LRRK1: variants seen among roughly 807,000 people sequenced by gnomAD.
LRRK1 encodes leucine-rich repeat serine/threonine-protein kinase 1.
In LRRK1, 113 loss-of-function variants were observed where a neutral mutation model predicts 209.1. The ratio of observed to expected loss-of-function variants is 0.54; its 90% CI spans 0.46 to 0.63. LRRK1 has a LOEUF of 0.63. Among genes scored for constraint, LRRK1 ranks in the 30% least tolerant of loss-of-function variants. The probability of loss-of-function intolerance (pLI) is 0.00; values close to 1 mark genes in which losing one functional copy is unlikely to be tolerated. For missense variants in LRRK1, 2,284 were observed against 2,632.2 expected, an observed-to-expected ratio of 0.87 and a Z score of 2.89; for synonymous variants, 1,144 against 1,099.7, an observed-to-expected ratio of 1.04 and a Z score of -0.80.
intron 11 of LRRK1, among the ~76,000 whole-genome samples, 164 bp downstream of exon 11, chr15:101,014,592 C>T (rs140946839): frequency 5.3e-5 from 8 of 152,320 alleles, no homozygotes; most frequent in Non-Finnish European, 1.2e-4. Context: ...GGCTGAAGTC[C>T]GAGGTGAGGG....
At position 100,941,051 on chromosome 15, in the gene LRRK1, G is replaced by T. The variant is rs560648511; in HGVS notation, c.97+16322G>T. On this transcript the variant is annotated intron_variant, in intron 2 of 33. Coordinates refer to ENST00000388948, the MANE Select transcript of LRRK1 (RefSeq NM_024652.6). ...ACACAGCTTCTCCCCTAGGTGATCA[G>T]ACTGCTTCCAATGAGCCTGTGCCCT... Among the ~76,000 whole-genome samples the T allele has an allele frequency of 2.6e-5, 4 of 152,324 alleles. No individual in the cohort carries two copies. The East Asian group carries it at 7.7e-4, about 29-fold the overall frequency.
chr15:101,049,659 C>T lies in LRRK1; in HGVS notation c.3315C>T (p.Asp1105=), dbSNP rs371351101. 88 of 1,613,718 alleles carry T rather than the reference C, an allele frequency of 5.5e-5. No individual in the cohort carries two copies. The highest frequency in any genetic ancestry group is 1.5e-4 in the African/African-American group (11 of 74,870). ...TGGATTGCAGTGTGGAATCTTCCGA[C>T]GTGAACTGGAAAAAGAAGAAAAGCG... ...DGGYLSVESS[D]VNWKKKKSGG... The change falls in exon 23 of 34, where the codon GAC becomes GAT. Residue 1105 remains aspartate, a synonymous_variant. Transcript: ENST00000388948.
At chr15:100,921,691 A>G (rs73480667) in intron 1 of LRRK1, among the ~76,000 whole-genome samples, 1,592 of 152,330 alleles carry the variant, frequency 0.01, 35 homozygotes, top group African/African-American at 0.033. Flanking sequence ...AAAGAACTCA[A>G]TAAGACATTT....
chr15:100,952,169 G>A (rs1399658667), intron 2 of LRRK1, among the ~76,000 whole-genome samples: 2 of 152,160 alleles, frequency 1.3e-5, no homozygotes, highest in Admixed American at 1.3e-4. Context: ...GGGACCTGGA[G>A]GAGGAAGTGG....
intron 2 of LRRK1, among the ~76,000 whole-genome samples, chr15:100,948,883 A>G (rs2042592880): frequency 6.6e-6 from 1 of 152,212 alleles, no homozygotes; most frequent in African/African-American, 2.4e-5. Flanking sequence ...CAGTGCTCAG[A>G]GTAAAATTTA....
At position 100,983,553 on chromosome 15, in the gene LRRK1, C is replaced by A. The variant is rs377500835; in HGVS notation, c.287C>A (p.Ala96Asp). The A allele has an allele frequency of 5.6e-6, 9 of 1,607,792 alleles. No homozygotes were observed. The highest frequency in any genetic ancestry group is 7.7e-6 in the Non-Finnish European group (9 of 1,176,230). ...GGCCAGCTTCTGAGCATCCCGGCAGCCTATGGGGATCTGGAGATGGTCCGC... is the reference window on the plus strand; with the variant it reads ...GGCCAGCTTCTGAGCATCCCGGCAGACTATGGGGATCTGGAGATGGTCCGC... ...EKGQLLSIPAAYGDLEMVRYL... is the reference protein window; with the variant it reads ...EKGQLLSIPADYGDLEMVRYL... The change falls in exon 4 of 34, where the codon GCC becomes GAC. Residue 96 changes from alanine (A) to aspartate (D), a missense_variant. Ala to Asp is a moderately radical substitution (Grantham distance 126). Around this residue, in one of 6 missense-constraint regions of LRRK1, gnomAD observed 134 missense variants for 191.7 expected, o/e 0.70. Transcript: ENST00000388948.
intron 6 of LRRK1, among the ~76,000 whole-genome samples, chr15:101,004,609 C>A (rs891377155): frequency 2.0e-5 from 3 of 152,144 alleles, no homozygotes. Context: ...TGAGTCAGTG[C>A]CACACAGATC....
chr15:101,022,046 G>T lies in LRRK1; in HGVS notation c.1852+89G>T. ...TTAAGTTCTGGGGGTGGAGACAGTT[G>T]GTGACCCATGGAGCCCAGCTCCAGG... On this transcript the variant is annotated intron_variant, in intron 14 of 33. Coordinates refer to ENST00000388948, the MANE Select transcript of LRRK1 (RefSeq NM_024652.6). The surrounding 1 kb of genome is among the most constrained non-coding windows in gnomAD (Gnocchi z 4.0). The T allele has an allele frequency of 1.1e-6, 1 of 905,714 alleles. No individual in the cohort carries two copies. The highest frequency in any genetic ancestry group is 1.6e-5 in the African/African-American group (1 of 60,794). The allele number at this position is 905,714 out of a possible 1,614,324, so 56.1% of individuals were successfully genotyped here. A position where few individuals can be genotyped will look rare whatever the true frequency, so the allele number is the denominator to read the frequency against.
At chr15:101,040,972 C>T (rs2034725801) in intron 20 of LRRK1, among the ~76,000 whole-genome samples, 1 of 152,172 alleles carries the variant, frequency 6.6e-6, no homozygotes, top group Admixed American at 6.5e-5. Flanking sequence ...TTTTTTCCTA[C>T]TCATTCTATC....
rs181384553 is a variant in LRRK1 at position 101,026,177 on chromosome 15, G to T, written c.2405+40G>T. 5.7e-6 allele frequency: 9 copies of T among 1,589,920 alleles called. No individual in the cohort carries two copies. The Admixed American group carries it at 1.3e-4, about 24-fold the overall frequency. On this transcript the variant is annotated intron_variant, in intron 17 of 33. Transcript: ENST00000388948. Reference sequence around the variant, plus strand: ...TCGGGCAGCTCCTGCCTTCTTGTGGGTGCCAGTCGCTGATCTTTCCTGGGA... The same window carrying T: ...TCGGGCAGCTCCTGCCTTCTTGTGGTTGCCAGTCGCTGATCTTTCCTGGGA...
At chr15:101,053,785 GCTGAGACT>G (rs2035627010) in intron 26 of LRRK1, among the ~76,000 whole-genome samples, 1 of 128,506 alleles carries the variant, frequency 7.8e-6, no homozygotes, top group African/African-American at 2.7e-5. Flanking sequence ...GTACACGGCT[GCTGAGACT>G]CTGAGACCGC....
chr15:101,062,736 C>T (rs1275497621), intron 31 of LRRK1, 46 bp downstream of exon 31: 1 of 1,393,070 alleles, frequency 7.2e-7, no homozygotes, highest in Non-Finnish European at 1.0e-6. Flanking sequence ...GATGCACTTC[C>T]ACGCCTAGGA....
intron 12 of LRRK1, among the ~76,000 whole-genome samples, chr15:101,020,138 T>A (rs1317872059): frequency 6.6e-6 from 1 of 152,186 alleles, no homozygotes; most frequent in Non-Finnish European, 1.5e-5. Flanking sequence ...GCAAAGGGCA[T>A]GGGATAAATA....
At chr15:100,956,464 T>TCTTTTC (rs1596195768) in intron 2 of LRRK1, among the ~76,000 whole-genome samples, 1 of 131,894 alleles carries the variant, frequency 7.6e-6, no homozygotes, top group Non-Finnish European at 1.6e-5. Flanking sequence ...TCTTTTTTTT[T>TCTTTTC]TTTTTTTTTG....
At chr15:101,040,988 C>T (rs1300362501) in intron 20 of LRRK1, among the ~76,000 whole-genome samples, 1 of 152,166 alleles carries the variant, frequency 6.6e-6, no homozygotes, top group East Asian at 1.9e-4. Flanking sequence ...CTATCAATTA[C>T]TAAGAGAGAG....
At chr15:100,972,375 T>A (rs866258304) in intron 2 of LRRK1, among the ~76,000 whole-genome samples, 17 of 140,164 alleles carry the variant, frequency 1.2e-4, no homozygotes, top group Middle Eastern at 3.6e-3. Flanking sequence ...TGTGTGTGTG[T>A]GTGTGTGTGT....
intron 7 of LRRK1, 30 bp downstream of exon 7, chr15:101,009,093 G>T (rs759193524): frequency 1.3e-6 from 2 of 1,517,666 alleles, no homozygotes; most frequent in Non-Finnish European, 1.8e-6. Flanking sequence ...CCGGAGCCGT[G>T]TGTGACCCCG....
In LRRK1 at chr15:101,065,430, A is replaced by G. The variant is rs1484921427; in HGVS notation, c.4993A>G (p.Ser1665Gly). The G allele has an allele frequency of 1.2e-6, 2 of 1,614,172 alleles. No individual in the cohort carries two copies. Among genetic ancestry groups the G allele is most frequent in the Non-Finnish European group, 1.7e-6 (2 of 1,180,044 alleles). Residue 1665 changes from serine to glycine, a missense_variant, in exon 32 of 34, where the codon AGC becomes GGC. Physicochemically the swap from Ser to Gly is moderately conservative, Grantham distance 56. Around this residue, in one of 6 missense-constraint regions of LRRK1, gnomAD observed 643 missense variants for 695.9 expected, o/e 0.92. Transcript: ENST00000388948. ...FPVVRGTPKD[S>G]CSYLCSHTAN... is the part of the protein sequence containing the mutation. ...CGTGGTGCGGGGCACCCCAAAGGAC[A>G]GCTGCTCCTACCTGTGCTCACACAC...
At chr15:101,062,983 C>T (rs760025500) in intron 31 of LRRK1, among the ~76,000 whole-genome samples, 5 of 152,142 alleles carry the variant, frequency 3.3e-5, no homozygotes, top group Admixed American at 6.5e-5. Flanking sequence ...ACAAATGGCA[C>T]GGTGAGCAGT....
Sources: allele counts gnomAD v4.1 joint callset (sites outside exome capture counted in the v4.1 genomes callset), GRCh38; gene constraint gnomAD v4.1.1; regional missense constraint gnomAD v4.1.1; non-coding constraint Gnocchi (gnomAD v3.1); transcripts MANE v1.5; gene names NCBI Gene and HGNC (gene_info 2026-07-23, HGNC 2026-07-21).